COMT: variants seen among roughly 807,000 people sequenced by gnomAD.
The protein encoded by COMT is catechol-O-methyltransferase.
Under a neutral mutation model 18.9 loss-of-function variants are expected in COMT, and 13 were observed. That is an observed-to-expected ratio of 0.69 (90% CI 0.45 to 1.09). The LOEUF (loss-of-function observed/expected upper bound fraction) is 1.09. COMT is among the 50% of genes least tolerant of loss of function. The pLI, the probability that COMT is intolerant of heterozygous loss-of-function variation, is 0.00. For missense variants in COMT, 329 were observed against 361.8 expected, an observed-to-expected ratio of 0.91 and a Z score of 0.73; for synonymous variants, 150 against 160.9, an observed-to-expected ratio of 0.93 and a Z score of 0.51.
intron 1 of COMT, among the ~76,000 whole-genome samples, chr22:19,956,008 T>C (rs952163296): frequency 6.6e-6 from 1 of 151,948 alleles, no homozygotes; most frequent in African/African-American, 2.4e-5. Context: ...TGTGGGTGAA[T>C]AGAGACCAAA....
At chr22:19,950,263 T>TTTTTTTTTTTTTTTTC (rs1555919297) in intron 1 of COMT, among the ~76,000 whole-genome samples, 1 of 132,370 alleles carries the variant, frequency 7.6e-6, no homozygotes, top group Non-Finnish European at 1.6e-5. Context: ...TTTTTTTTTT[T>TTTTTTTTTTTTTTTTC]CTGTAGAGAC....
chr22:19,941,842 C>A lies in COMT; in HGVS notation c.-147C>A, dbSNP rs533176918. Reference sequence around the variant, plus strand: ...CTGGGGCAGCTAGGGCTGCCCGCCGCGCTGCCTGCGCCGGACCGGGGCGGG... The same window carrying A: ...CTGGGGCAGCTAGGGCTGCCCGCCGAGCTGCCTGCGCCGGACCGGGGCGGG... On this transcript the variant is annotated 5_prime_UTR_variant, in exon 1 of 6. Transcript: ENST00000361682. 7 of 1,485,582 alleles carry A rather than the reference C, an allele frequency of 4.7e-6. No homozygotes were observed. The African/African-American group carries it at 7.3e-5, about 15-fold the overall frequency. 92.0% of individuals were successfully genotyped at this position (1,485,582 alleles called of 1,614,324 possible). A position where few individuals can be genotyped will look rare whatever the true frequency, so the allele number is the denominator to read the frequency against.
chr22:19,948,104 A>T (rs1329011701), intron 1 of COMT, among the ~76,000 whole-genome samples: 2 of 152,226 alleles, frequency 1.3e-5, no homozygotes, highest in Non-Finnish European at 2.9e-5. Flanking sequence ...CAAACTAATG[A>T]TTAACAATAT....
chr22:19,941,904 G>T lies in COMT; in HGVS notation c.-92+7G>T, dbSNP rs555437903. 6.3e-6 allele frequency: 8 copies of T among 1,267,002 alleles called. No homozygotes were observed. Among genetic ancestry groups the T allele is most frequent in the Non-Finnish European group, 6.1e-6 (6 of 980,096 alleles). 78.5% of individuals were successfully genotyped at this position (1,267,002 alleles called of 1,614,324 possible). On this transcript the variant is annotated splice_region_variant and intron_variant, in intron 1 of 5. Transcript: ENST00000361682. ...GCGGGCCGTCGCGGGAGAGGTGAGA[G>T]CGCTGGCTAGACCGGGGCCGAATGC...
rs759852947 is a variant in COMT at position 19,968,741 on chromosome 22, C to CA, written c.*5_*6insA. ...GGCAGCGAAGCAGGGCCCTGACTGCCCCCCCGGCCCCCCTCTCGGGCTCTC... is the reference window on the plus strand; with the variant it reads ...GGCAGCGAAGCAGGGCCCTGACTGCCACCCCCGGCCCCCCTCTCGGGCTCTC... On this transcript the variant is annotated 3_prime_UTR_variant, in exon 6 of 6. Transcript: ENST00000361682. The CA allele has an allele frequency of 8.5e-5, 136 of 1,608,338 alleles. 1 individual carries two copies. Among genetic ancestry groups the CA allele is most frequent in the Non-Finnish European group, 1.1e-4 (133 of 1,179,378 alleles).
At chr22:19,957,011 C>G (rs1048754182) in intron 1 of COMT, among the ~76,000 whole-genome samples, 3 of 146,916 alleles carry the variant, frequency 2.0e-5, no homozygotes, top group Non-Finnish European at 3.0e-5. Context: ...AGTGCAGTGG[C>G]GTGATCTCGG....
At chr22:19,947,575 A>T (rs1332079284) in intron 1 of COMT, among the ~76,000 whole-genome samples, 1 of 152,194 alleles carries the variant, frequency 6.6e-6, no homozygotes, top group East Asian at 1.9e-4. Flanking sequence ...GAGACAGCTT[A>T]TGTCATTATT....
Position 19,963,550 on chromosome 22 carries a change from C to T in COMT, c.290-16C>T. 1.2e-6 allele frequency: 2 copies of T among 1,610,672 alleles called. No homozygotes were observed. The highest frequency in any genetic ancestry group is 1.7e-6 in the Non-Finnish European group (2 of 1,179,914). On this transcript the variant is annotated splice_polypyrimidine_tract_variant and intron_variant, in intron 3 of 5. Transcript: ENST00000361682. ...CCACCTGTGCTCACCTCTCCTCCGTCCCCAACCCTGCACAGGCAAGATCGT... is the reference window on the plus strand; with the variant it reads ...CCACCTGTGCTCACCTCTCCTCCGTTCCCAACCCTGCACAGGCAAGATCGT...
At chr22:19,965,674 A>C (rs1483040986) in intron 5 of COMT, 2 of 152,210 alleles carry the variant, frequency 1.3e-5, no homozygotes, top group Non-Finnish European at 2.9e-5. Flanking sequence ...AAAACAACAA[A>C]AACTTTTCTG....
At position 19,950,241 on chromosome 22, in the gene COMT, C is replaced by CTTTTTTTTTTTTTT. The variant is rs55653258; in HGVS notation, c.-92+8353_-92+8366dup. Among the ~76,000 whole-genome samples the CTTTTTTTTTTTTTT allele has an allele frequency of 1.3e-3, 112 of 87,866 alleles. 1 individual carries two copies. The highest frequency in any genetic ancestry group is 1.5e-3 in the Non-Finnish European group (67 of 45,622). 57.6% of individuals were successfully genotyped at this position (87,866 alleles called of 152,430 possible). A position where few individuals can be genotyped will look rare whatever the true frequency, so the allele number is the denominator to read the frequency against. On this transcript the variant is annotated intron_variant, in intron 1 of 5. Transcript: ENST00000361682. ...TATATTTTTTCTTTTCTTTTCTTTT[C>CTTTTTTTTTTTTTT]TTTTTTTTTTTTTTTTTTTTTTCTG... is the stretch of plus-strand genomic sequence containing the variant.
At chr22:19,944,417 G>A (rs998566117) in intron 1 of COMT, among the ~76,000 whole-genome samples, 1 of 152,156 alleles carries the variant, frequency 6.6e-6, no homozygotes, top group African/African-American at 2.4e-5. Context: ...GCGTGGTGGT[G>A]CACTCAGGAG....
chr22:19,952,136 C>CA (rs1001106907), intron 1 of COMT, among the ~76,000 whole-genome samples: 2 of 151,984 alleles, frequency 1.3e-5, no homozygotes, highest in Admixed American at 1.3e-4. Context: ...GCTGTCTCTA[C>CA]AAAAATAATT....
intron 1 of COMT, among the ~76,000 whole-genome samples, chr22:19,958,575 TAAAA>T (rs361574): frequency 1.6e-5 from 2 of 121,660 alleles, no homozygotes; most frequent in African/African-American, 3.1e-5. Context: ...TTATTTTCCT[TAAAA>T]AAAAAAAAAA....
chr22:19,952,377 T>TCAC (rs1941958125), intron 1 of COMT, among the ~76,000 whole-genome samples: 1 of 150,606 alleles, frequency 6.6e-6, no homozygotes, highest in Non-Finnish European at 1.5e-5. Flanking sequence ...CGGTGGCTCA[T>TCAC]GCCTGTAATC....
At chr22:19,966,651 G>C (rs1423695301) in intron 5 of COMT, among the ~76,000 whole-genome samples, 1 of 152,030 alleles carries the variant, frequency 6.6e-6, no homozygotes, top group African/African-American at 2.4e-5. Flanking sequence ...ATGTTGCCCA[G>C]ACTGGTCTCA....
chr22:19,962,612 G>C lies in COMT; in HGVS notation c.86G>C (p.Trp29Ser), dbSNP rs1278178766. The part of the protein sequence containing the change: ...LVVLLLLLRH[W>S]GWGLCLIGWN... ...GTGCTGCTGCTGCTTCTGAGGCACT[G>C]GGGCTGGGGCCTGTGCCTTATCGGC... The change falls in exon 3 of 6, where the codon TGG becomes TCG. Residue 29 changes from tryptophan (W) to serine (S), a missense_variant. Physicochemically the swap from Trp to Ser is radical, Grantham distance 177 (BLOSUM62 -3). Transcript: ENST00000361682. The C allele has an allele frequency of 6.3e-7, 1 of 1,599,198 alleles. No individual in the cohort carries two copies. The highest frequency in any genetic ancestry group is 1.7e-4 in the Middle Eastern group (1 of 6,038).
intron 5 of COMT, 51 bp from the exon 6 acceptor site, chr22:19,968,485 T>C: frequency 6.4e-7 from 1 of 1,573,234 alleles, no homozygotes; most frequent in African/African-American, 1.4e-5. Flanking sequence ...TGGGGCAGGT[T>C]CTCTGGGCAC....
chr22:19,946,204 C>T (rs1347378258), intron 1 of COMT, among the ~76,000 whole-genome samples: 1 of 151,962 alleles, frequency 6.6e-6, no homozygotes. Flanking sequence ...AATGCTGTCA[C>T]GCCCAGGTGC....
intron 1 of COMT, among the ~76,000 whole-genome samples, chr22:19,960,690 C>T (rs1942173322): frequency 6.6e-6 from 1 of 152,220 alleles, no homozygotes; most frequent in Non-Finnish European, 1.5e-5. Context: ...GAGCCCTGCA[C>T]CGGGTTCCAT....
Sources: allele counts gnomAD v4.1 joint callset (sites outside exome capture counted in the v4.1 genomes callset), GRCh38; gene constraint gnomAD v4.1.1; transcripts MANE v1.5; gene names NCBI Gene and HGNC (gene_info 2026-07-23, HGNC 2026-07-21).